Variants in NPAS3 observed in about 807,000 individuals in gnomAD.
The protein encoded by NPAS3 is neuronal PAS domain-containing protein 3.
NPAS3 carries 14 observed loss-of-function variants against 73.1 expected under a neutral mutation model. The ratio of observed to expected loss-of-function variants is 0.19; its 90% CI spans 0.13 to 0.30. The LOEUF is 0.30. NPAS3 is among the 10% of genes least tolerant of loss of function. The pLI is 1.00. For missense variants in NPAS3, 1,096 were observed against 1,250.0 expected, an observed-to-expected ratio of 0.88 and a Z score of 1.86; for synonymous variants, 620 against 541.5, an observed-to-expected ratio of 1.14 and a Z score of -2.01.
chr14:33,387,642 C>T (rs537265632), intron 4 of NPAS3, among the ~76,000 whole-genome samples: 10 of 152,178 alleles, frequency 6.6e-5, no homozygotes, highest in Admixed American at 6.5e-4. Flanking sequence ...AAGGACAGAG[C>T]TGTGGAAAAC....
intron 5 of NPAS3, among the ~76,000 whole-genome samples, chr14:33,565,313 A>G (rs1353376123): frequency 6.6e-6 from 1 of 152,266 alleles, no homozygotes; most frequent in African/African-American, 2.4e-5. Context: ...GCACACAAGT[A>G]CAAGGTCAAA....
chr14:33,780,653 G>C (rs1288111005), intron 9 of NPAS3: 2 of 454,582 alleles, frequency 4.4e-6, no homozygotes, highest in East Asian at 1.4e-4. Flanking sequence ...CAATTCCTCA[G>C]GAACAGTGAG....
At chr14:33,118,118 T>A (rs923970904) in intron 2 of NPAS3, among the ~76,000 whole-genome samples, 1 of 152,084 alleles carries the variant, frequency 6.6e-6, no homozygotes, top group Non-Finnish European at 1.5e-5. Context: ...GACTTTCACA[T>A]AATTGTTGTC....
intron 1 of NPAS3, among the ~76,000 whole-genome samples, chr14:33,040,588 A>G (rs549660487): frequency 4.6e-5 from 7 of 152,176 alleles, no homozygotes; most frequent in Non-Finnish European, 1.0e-4. Flanking sequence ...ACAGATCTAC[A>G]TACCAGGAGG....
At chr14:33,271,071 G>A (rs971728075) in intron 3 of NPAS3, among the ~76,000 whole-genome samples, 3 of 152,174 alleles carry the variant, frequency 2.0e-5, no homozygotes, top group African/African-American at 7.2e-5. Context: ...CAGAGAAACC[G>A]TCTGTTTGTG....
At chr14:33,662,305 G>C (rs75920469) in intron 5 of NPAS3, among the ~76,000 whole-genome samples, 7,268 of 152,232 alleles carry the variant, frequency 0.048, 340 homozygotes, top group East Asian at 0.15. Flanking sequence ...AGCTCTTTCT[G>C]CCTGCCCTAG....
At chr14:33,723,874 C>T (rs184758557) in intron 6 of NPAS3, among the ~76,000 whole-genome samples, 14 of 152,264 alleles carry the variant, frequency 9.2e-5, no homozygotes, top group African/African-American at 1.9e-4. Flanking sequence ...AGGAGGCAAA[C>T]GGATGTCAGA....
intron 5 of NPAS3, among the ~76,000 whole-genome samples, chr14:33,667,888 A>ATACTT (rs1464971829): frequency 2.0e-5 from 3 of 152,090 alleles, no homozygotes; most frequent in Non-Finnish European, 4.4e-5. Flanking sequence ...ATATTTTAGT[A>ATACTT]TACTTTGTGG....
chr14:33,591,256 C>G (rs1282133245), intron 5 of NPAS3, among the ~76,000 whole-genome samples: 1 of 152,170 alleles, frequency 6.6e-6, no homozygotes, highest in Admixed American at 6.5e-5. Flanking sequence ...GCCCACTCTT[C>G]TCGACTTTGC....
In NPAS3 at chr14:33,501,737, G is replaced by T. The variant is rs994028648; in HGVS notation, c.469-58384G>T. ...CTTCTGAACCTTAGCAGCAGGTATAGCCTGCAGCAGCTCAGGGAAGAAAGG... is the reference window on the plus strand; with the variant it reads ...CTTCTGAACCTTAGCAGCAGGTATATCCTGCAGCAGCTCAGGGAAGAAAGG... On this transcript the variant is annotated intron_variant, in intron 4 of 11. Transcript: ENST00000356141. Among the ~76,000 whole-genome samples the T allele has an allele frequency of 6.6e-5, 10 of 151,684 alleles. No individual in the cohort carries two copies. The East Asian group carries it at 2.0e-3, about 30-fold the overall frequency.
At chr14:33,121,204 C>T (rs1020247367) in intron 2 of NPAS3, among the ~76,000 whole-genome samples, 5 of 152,128 alleles carry the variant, frequency 3.3e-5, no homozygotes, top group Non-Finnish European at 5.9e-5. Flanking sequence ...TCTTTTACAA[C>T]TTCATGGCCT....
At chr14:33,397,781 C>G (rs1403537873) in intron 4 of NPAS3, among the ~76,000 whole-genome samples, 1 of 152,068 alleles carries the variant, frequency 6.6e-6, no homozygotes, top group Non-Finnish European at 1.5e-5. Context: ...TGCCTCCAGC[C>G]ACAGCTCATG....
intron 3 of NPAS3, among the ~76,000 whole-genome samples, chr14:33,227,912 T>A (rs1242592287): frequency 5.9e-5 from 9 of 152,318 alleles, no homozygotes; most frequent in Admixed American, 2.0e-4. Context: ...AGTAAGGTTT[T>A]CTGGTCAGTG....
intron 1 of NPAS3, among the ~76,000 whole-genome samples, chr14:33,040,945 C>T (rs1200310718): frequency 2.0e-5 from 3 of 152,144 alleles, no homozygotes; most frequent in African/African-American, 7.2e-5. Flanking sequence ...TTACTGTTCC[C>T]AATTTCTTGA....
At chr14:33,356,744 A>G (rs2045354698) in intron 3 of NPAS3, among the ~76,000 whole-genome samples, 1 of 152,190 alleles carries the variant, frequency 6.6e-6, no homozygotes, top group Admixed American at 6.5e-5. Flanking sequence ...TGCATATGCA[A>G]AATTTTGTGT....
chr14:33,250,316 C>T (rs560725171), intron 3 of NPAS3, among the ~76,000 whole-genome samples: 5 of 151,544 alleles, frequency 3.3e-5, no homozygotes, highest in East Asian at 3.9e-4. Context: ...ATTGAGCCTA[C>T]ACATACAAAA....
At chr14:33,532,491 T>C (rs1362848961) in intron 4 of NPAS3, among the ~76,000 whole-genome samples, 1 of 152,082 alleles carries the variant, frequency 6.6e-6, no homozygotes, top group East Asian at 1.9e-4. Context: ...TGAGGACAGG[T>C]GTTAGCTGTA....
intron 4 of NPAS3, among the ~76,000 whole-genome samples, chr14:33,544,862 A>AT (rs1449723449): frequency 3.7e-5 from 5 of 135,716 alleles, no homozygotes; most frequent in Non-Finnish European, 7.7e-5. Context: ...GTGTATATAT[A>AT]ATATATATAT....
chr14:33,290,891 A>G (rs1477353026), intron 3 of NPAS3, among the ~76,000 whole-genome samples: 1 of 152,192 alleles, frequency 6.6e-6, no homozygotes, highest in East Asian at 1.9e-4. Context: ...TAATTGTCAC[A>G]GGTTTCTAAA....
Sources: allele counts gnomAD v4.1 joint callset (sites outside exome capture counted in the v4.1 genomes callset), GRCh38; gene constraint gnomAD v4.1.1; transcripts MANE v1.5; gene names NCBI Gene and HGNC (gene_info 2026-07-23, HGNC 2026-07-21).